TPO: variants seen among roughly 807,000 people sequenced by gnomAD.
TPO encodes thyroid peroxidase, also known as thyroid microsomal antigen.
In TPO, 78 loss-of-function variants were observed where a neutral mutation model predicts 96.9. The ratio of observed to expected loss-of-function variants is 0.81; its 90% CI spans 0.67 to 0.97. TPO has a LOEUF of 0.97. TPO is among the 50% of genes least tolerant of loss of function. The probability of loss-of-function intolerance (pLI) is 0.00; values close to 1 mark genes in which losing one functional copy is unlikely to be tolerated. For missense variants in TPO, 1,252 were observed against 1,274.8 expected (o/e 0.98, Z 0.27); for synonymous variants, 547 against 538.0 (o/e 1.02, Z -0.23).
At chr2:1,496,911 G>A in intron 13 of TPO, 146 bp downstream of exon 13, 4 of 1,275,964 alleles carry the variant, frequency 3.1e-6, no homozygotes, top group Non-Finnish European at 4.4e-6. Flanking sequence ...AGAAAGCAAG[G>A]GCTCTCCCCT....
chr2:1,504,313 G>A (rs1462652074), intron 14 of TPO, among the ~76,000 whole-genome samples: 1 of 152,144 alleles, frequency 6.6e-6, no homozygotes, highest in South Asian at 2.1e-4. Flanking sequence ...GGCTGGGGAC[G>A]GCAGCCAGAA....
chr2:1,494,923 C>T lies in TPO; in HGVS notation c.2006+884C>T, dbSNP rs558691569. Among the ~76,000 whole-genome samples the T allele has an allele frequency of 9.9e-5, 15 of 152,206 alleles. 1 individual carries two copies. The highest frequency in any genetic ancestry group is 7.9e-4 in the Admixed American group (12 of 15,284). ...TGAGATGCAGCCTTTCAAAGAGCTA[C>T]GAACACCTGGGTAGAAATCACCAGG... On this transcript the variant is annotated intron_variant, in intron 11 of 16. Coordinates refer to ENST00000329066, the MANE Select transcript of TPO (RefSeq NM_001206744.2).
intron 11 of TPO, among the ~76,000 whole-genome samples, chr2:1,494,908 C>T (rs1403043461): frequency 2.0e-5 from 3 of 152,146 alleles, no homozygotes; most frequent in African/African-American, 7.2e-5. Context: ...TGAGATGCAG[C>T]CTTTCAAAGA....
intron 1 of TPO, among the ~76,000 whole-genome samples, chr2:1,380,250 A>C (rs556337267): frequency 0.015 from 2,341 of 151,808 alleles, 30 homozygotes; most frequent in Middle Eastern, 0.048. Context: ...AAAAATTAGC[A>C]GGGCGTGGTG....
intron 12 of TPO, among the ~76,000 whole-genome samples, 158 bp downstream of exon 12, chr2:1,496,355 C>A (rs944883446): frequency 5.0e-5 from 7 of 140,728 alleles, no homozygotes; most frequent in African/African-American, 1.5e-4. Flanking sequence ...CGGGGCGGGG[C>A]GGGGCGGGGC....
chr2:1,420,853 T>C (rs1663439930), intron 2 of TPO, among the ~76,000 whole-genome samples: 1 of 151,854 alleles, frequency 6.6e-6, no homozygotes, highest in Non-Finnish European at 1.5e-5. Flanking sequence ...CCAGAGACAT[T>C]ATGGGGAAAT....
At chr2:1,469,496 C>T (rs920813356) in intron 7 of TPO, among the ~76,000 whole-genome samples, 4 of 152,100 alleles carry the variant, frequency 2.6e-5, no homozygotes, top group African/African-American at 4.8e-5. Context: ...ATCTAGCCAC[C>T]AAGTTCAAAT....
intron 14 of TPO, among the ~76,000 whole-genome samples, chr2:1,514,028 T>C (rs1041408391): frequency 1.3e-5 from 2 of 152,176 alleles, no homozygotes; most frequent in Non-Finnish European, 1.5e-5. Context: ...TGTGAAAGCA[T>C]CTCTATTCTG....
At position 1,484,492 on chromosome 2, in the gene TPO, A is replaced by G. The variant is rs752003611; in HGVS notation, c.1339-104A>G. 8.6e-5 allele frequency: 127 copies of G among 1,477,596 alleles called. No individual in the cohort carries two copies. In the African/African-American group the frequency reaches 1.5e-3, roughly 18 times the overall value. 91.5% of individuals were successfully genotyped at this position (1,477,596 alleles called of 1,614,324 possible). A position where few individuals can be genotyped will look rare whatever the true frequency, so the allele number is the denominator to read the frequency against. ...CCTTATTACAAGACGAGAAGGGTCCAGTTCCCTGGGGCTGTCAAGGAAGAT... is the reference window on the plus strand; with the variant it reads ...CCTTATTACAAGACGAGAAGGGTCCGGTTCCCTGGGGCTGTCAAGGAAGAT... On this transcript the variant is annotated intron_variant, in intron 8 of 16. Transcript: ENST00000329066.
intron 1 of TPO, among the ~76,000 whole-genome samples, chr2:1,384,098 C>T (rs943162741): frequency 6.6e-6 from 1 of 152,144 alleles, no homozygotes. Flanking sequence ...GTACCAGTAC[C>T]ATGCTGTTTT....
chr2:1,437,258 C>T (rs1313486617), intron 5 of TPO, among the ~76,000 whole-genome samples: 6 of 152,222 alleles, frequency 3.9e-5, no homozygotes, highest in East Asian at 3.9e-4. Flanking sequence ...GGGATTGTGG[C>T]GCCTGTGGGG....
rs28910579 is a variant in TPO at position 1,463,008 on chromosome 2, T to C, written c.819+6726T>C. Among the ~76,000 whole-genome samples, 546 of 152,352 alleles carry C rather than the reference T, an allele frequency of 3.6e-3. 6 individuals are homozygous for C. Among genetic ancestry groups the C allele is most frequent in the African/African-American group, 0.013 (525 of 41,590 alleles). ...TTTTCTTATTTCAAAATGTTCATTA[T>C]TGAGCATATATTATCTTTGTACTTA... is the stretch of plus-strand genomic sequence containing the variant. On this transcript the variant is annotated intron_variant, in intron 7 of 16. Coordinates refer to ENST00000329066, the MANE Select transcript of TPO (RefSeq NM_001206744.2).
intron 13 of TPO, among the ~76,000 whole-genome samples, chr2:1,502,343 A>G (rs1020886998): frequency 1.3e-5 from 2 of 152,170 alleles, no homozygotes; most frequent in African/African-American, 4.8e-5. Context: ...TTAACAGCCG[A>G]TAGTCAATAG....
chr2:1,506,472 A>G (rs1274273793), intron 14 of TPO, among the ~76,000 whole-genome samples: 1 of 152,180 alleles, frequency 6.6e-6, no homozygotes, highest in African/African-American at 2.4e-5. Context: ...GCCTTCCACA[A>G]TGGTTGAACT....
rs112763492 is a variant in TPO at position 1,480,773 on chromosome 2, C to G, written c.1338+3169C>G. On this transcript the variant is annotated intron_variant, in intron 8 of 16. Transcript: ENST00000329066. ...CATCCGTCCACACCACCTCCCTCCT[C>G]CTGCATCCGTCCACACCACCTTCCT... is the stretch of plus-strand genomic sequence containing the variant. 2.4e-3 allele frequency among the ~76,000 whole-genome samples: 221 copies of G among 93,912 alleles called. 3 individuals carry two copies. Among genetic ancestry groups the G allele is most frequent in the African/African-American group, 5.8e-3 (154 of 26,720 alleles). 61.6% of individuals were successfully genotyped at this position (93,912 alleles called of 152,430 possible).
chr2:1,444,188 A>G (rs373777775), intron 5 of TPO, among the ~76,000 whole-genome samples: 5,910 of 35,656 alleles, frequency 0.17, no homozygotes, highest in Middle Eastern at 0.23. Flanking sequence ...CTTCTTGTTT[A>G]TATGATCCAG....
At chr2:1,518,961 C>T (rs1674975383) in intron 15 of TPO, among the ~76,000 whole-genome samples, 2 of 152,170 alleles carry the variant, frequency 1.3e-5, no homozygotes, top group South Asian at 4.1e-4. Flanking sequence ...GCCCCTAATT[C>T]AGTATAGCTG....
chr2:1,397,367 G>A (rs1403651040), intron 1 of TPO, among the ~76,000 whole-genome samples: 2 of 152,332 alleles, frequency 1.3e-5, no homozygotes, highest in African/African-American at 4.8e-5. Flanking sequence ...GACTTCCATA[G>A]GTATGTGAGG....
intron 5 of TPO, among the ~76,000 whole-genome samples, chr2:1,451,662 G>C (rs1440227030): frequency 3.9e-5 from 6 of 152,294 alleles, no homozygotes; most frequent in Non-Finnish European, 7.3e-5. Context: ...GCCACACACA[G>C]AACCTCAGTG....
Sources: gnomAD v4.1 joint callset for allele counts (sites outside exome capture counted in the v4.1 genomes callset) on GRCh38, gnomAD v4.1.1 for gene constraint, MANE v1.5 for transcripts, NCBI Gene and HGNC (gene_info 2026-07-23, HGNC 2026-07-21) for gene names.